The following EXOC4 variants were observed in gnomAD, a reference collection of about 807,000 sequenced individuals.
EXOC4 encodes SEC8-like 1.
A neutral mutation model predicts 107.2 loss-of-function variants in EXOC4; 71 were observed. The observed-to-expected ratio is 0.66, with a 90% CI of 0.55 to 0.81. The LOEUF is 0.81. Among genes scored for constraint, EXOC4 ranks in the 30% least tolerant of loss-of-function variants. The pLI is 0.00. For synonymous variants in EXOC4, 456 were observed against 441.2 expected (o/e 1.03, Z -0.42); for missense variants, 1,108 against 1,189.6 (o/e 0.93, Z 1.01).
chr7:133,290,517 A>G lies in EXOC4; in HGVS notation c.471+1401A>G, dbSNP rs113667999. Reference sequence around the variant, plus strand: ...ATTCAGCAATCAGAATAGATAAGCAAGTATACATTTGTGTAGCAAATATAC... The same window carrying G: ...ATTCAGCAATCAGAATAGATAAGCAGGTATACATTTGTGTAGCAAATATAC... On this transcript the variant is annotated intron_variant, in intron 3 of 17. Transcript: ENST00000253861. 1.8e-3 allele frequency among the ~76,000 whole-genome samples: 276 copies of G among 152,346 alleles called. 1 individual carries two copies. Among genetic ancestry groups the G allele is most frequent in the Admixed American group, 3.9e-3 (59 of 15,308 alleles).
At chr7:133,670,894 CA>C (rs1381867754) in intron 10 of EXOC4, among the ~76,000 whole-genome samples, 1 of 152,152 alleles carries the variant, frequency 6.6e-6, no homozygotes, top group Non-Finnish European at 1.5e-5. Flanking sequence ...AAGCAAATGT[CA>C]AATGCCTCAG....
At chr7:133,602,547 T>C (rs1801833676) in intron 9 of EXOC4, among the ~76,000 whole-genome samples, 1 of 152,196 alleles carries the variant, frequency 6.6e-6, no homozygotes, top group African/African-American at 2.4e-5. Flanking sequence ...TGTAACAAAA[T>C]TAACACGGGG....
intron 2 of EXOC4, among the ~76,000 whole-genome samples, chr7:133,282,543 G>T (rs992126438): frequency 6.6e-6 from 1 of 152,088 alleles, no homozygotes; most frequent in Non-Finnish European, 1.5e-5. Context: ...AGAGTTTTGA[G>T]AAATAAATGT....
At chr7:133,666,307 T>A (rs1793812136) in intron 10 of EXOC4, among the ~76,000 whole-genome samples, 1 of 152,216 alleles carries the variant, frequency 6.6e-6, no homozygotes, top group African/African-American at 2.4e-5. Flanking sequence ...CCTGACCTTT[T>A]AAAAATTTTA....
chr7:134,032,544 G>A (rs1437424651), intron 17 of EXOC4, among the ~76,000 whole-genome samples: 1 of 152,210 alleles, frequency 6.6e-6, no homozygotes, highest in East Asian at 1.9e-4. Flanking sequence ...CCTCACAGCA[G>A]TGAAGCCAAC....
intron 10 of EXOC4, among the ~76,000 whole-genome samples, chr7:133,679,164 A>C (rs1420970): frequency 6.6e-6 from 1 of 152,276 alleles, no homozygotes; most frequent in South Asian, 2.1e-4. Flanking sequence ...GTTGCTATTC[A>C]TCTAAGTCTG....
rs1362871686 is a variant in EXOC4, at chr7:133,997,674, A to G, written c.2348+41A>G. On this transcript the variant is annotated intron_variant, in intron 15 of 17. Transcript: ENST00000253861. ...GCCCAGGACCTTGCAATTTGAATGCACTGCGGTTCATAAATCACTTGCTTA... is the reference window on the plus strand; with the variant it reads ...GCCCAGGACCTTGCAATTTGAATGCGCTGCGGTTCATAAATCACTTGCTTA... 8.2e-6 allele frequency: 13 copies of G among 1,592,320 alleles called. No homozygotes were observed. The East Asian group carries it at 2.9e-4, about 36-fold the overall frequency.
intron 17 of EXOC4, among the ~76,000 whole-genome samples, chr7:134,037,821 T>C (rs57116847): frequency 0.015 from 2,218 of 152,290 alleles, 65 homozygotes; most frequent in African/African-American, 0.051. Flanking sequence ...CAAGTTCTTA[T>C]TTCCCAGTGA....
intron 10 of EXOC4, among the ~76,000 whole-genome samples, chr7:133,786,790 A>T (rs928476992): frequency 3.3e-5 from 5 of 152,226 alleles, no homozygotes; most frequent in African/African-American, 7.2e-5. Context: ...TAGAAGACTT[A>T]TGGTTTAAGT....
rs563816729 is a variant in EXOC4 at position 133,294,302 on chromosome 7, C to T, written c.471+5186C>T. ...AAGGGAAAATGTGTGTAGAAGTCTG[C>T]ATCAAACTAAAATTGCACAGATGAG... On this transcript the variant is annotated intron_variant, in intron 3 of 17. Coordinates refer to ENST00000253861, the MANE Select transcript of EXOC4 (RefSeq NM_021807.4). Among the ~76,000 whole-genome samples the T allele has an allele frequency of 6.6e-5, 10 of 152,198 alleles. No homozygotes were observed. In the East Asian group the frequency reaches 1.5e-3, roughly 23 times the overall value.
chr7:133,795,321 C>CCTCT (rs1300926822), intron 10 of EXOC4, among the ~76,000 whole-genome samples: 2 of 152,126 alleles, frequency 1.3e-5, no homozygotes, highest in Admixed American at 6.5e-5. Flanking sequence ...GTATGTTGAC[C>CCTCT]CTCTGTTCCC....
intron 10 of EXOC4, among the ~76,000 whole-genome samples, chr7:133,695,912 A>G (rs180754591): frequency 3.9e-5 from 6 of 152,354 alleles, no homozygotes; most frequent in East Asian, 3.9e-4. Flanking sequence ...ACACAACTGT[A>G]TGTGGGGATT....
Position 133,400,687 on chromosome 7 carries a change from G to C in EXOC4, c.1182+25685G>C, listed in dbSNP as rs920541353. ...CTTTTGACTTTTTCTCCCAATTTTA[G>C]CACTTGTCCGTAACAACTATGTAAG... On this transcript the variant is annotated intron_variant, in intron 7 of 17. Coordinates refer to ENST00000253861, the MANE Select transcript of EXOC4 (RefSeq NM_021807.4). 3.3e-5 allele frequency among the ~76,000 whole-genome samples: 5 copies of C among 152,064 alleles called. 1 individual carries two copies. The highest frequency in any genetic ancestry group is 7.4e-5 in the Non-Finnish European group (5 of 68,012).
chr7:133,271,612 G>A (rs775710830), intron 1 of EXOC4, among the ~76,000 whole-genome samples: 4 of 152,312 alleles, frequency 2.6e-5, no homozygotes, highest in South Asian at 4.1e-4. Context: ...GCTTAGATTC[G>A]GTTTTCGGAG....
chr7:133,604,706 C>CCTTCTT (rs1191856891), intron 9 of EXOC4, among the ~76,000 whole-genome samples: 7 of 87,536 alleles, frequency 8.0e-5, no homozygotes, highest in African/African-American at 3.1e-4. Context: ...TTCCTTCCTT[C>CCTTCTT]TTTCTTTTTT....
the EXOC4 span, among the ~76,000 whole-genome samples, chr7:134,073,205 C>CAAAAAAAAAAAAAAAAAAAAAA: frequency 4.4e-5 from 1 of 22,598 alleles, no homozygotes; most frequent in Non-Finnish European, 7.2e-5. Context: ...GACTTCCTCT[C>CAAAAAAAAAAAAAAAAAAAAAA]AAAAAAAAAA....
chr7:133,808,794 G>T (rs139744779), intron 10 of EXOC4, among the ~76,000 whole-genome samples: 92 of 152,156 alleles, frequency 6.0e-4, no homozygotes, highest in African/African-American at 2.1e-3. Flanking sequence ...ATCTACCATG[G>T]TAGGGATTTT....
At chr7:134,085,265 G>T in the EXOC4 span, among the ~76,000 whole-genome samples, 1 of 151,080 alleles carries the variant, frequency 6.6e-6, no homozygotes, top group South Asian at 2.1e-4. Flanking sequence ...GAGACTTCCA[G>T]AATGGTGAAG....
intron 10 of EXOC4, among the ~76,000 whole-genome samples, chr7:133,787,993 A>T (rs1225718521): frequency 1.0e-5 from 1 of 95,400 alleles, no homozygotes; most frequent in African/African-American, 4.2e-5. Flanking sequence ...ATATATATAT[A>T]TATATATATA....
Sources: allele counts gnomAD v4.1 joint callset (sites outside exome capture counted in the v4.1 genomes callset), GRCh38; gene constraint gnomAD v4.1.1; transcripts MANE v1.5; gene names NCBI Gene and HGNC (gene_info 2026-07-23, HGNC 2026-07-21).